The following VEGFC variants were observed in gnomAD, a reference collection of about 807,000 sequenced individuals.
VEGFC encodes the protein FLT4 ligand DHM.
VEGFC carries 12 observed loss-of-function variants against 46.1 expected under a neutral mutation model. That is an observed-to-expected ratio of 0.26 (90% CI 0.17 to 0.42). VEGFC has a LOEUF of 0.42. VEGFC is among the 10% of genes least tolerant of loss of function. The probability of loss-of-function intolerance (pLI) is 1.00; values close to 1 mark genes in which losing one functional copy is unlikely to be tolerated. For missense variants in VEGFC, 488 were observed against 529.4 expected (o/e 0.92, Z 0.77); for synonymous variants, 232 against 195.5 (o/e 1.19, Z -1.56).
chr4:176,776,332 A>C (rs2110935875), intron 1 of VEGFC, among the ~76,000 whole-genome samples: 1 of 152,352 alleles, frequency 6.6e-6, no homozygotes, highest in Non-Finnish European at 1.5e-5. Context: ...CTTATGAGCA[A>C]GAACTATTCG....
At chr4:176,779,513 G>A (rs955166350) in intron 1 of VEGFC, among the ~76,000 whole-genome samples, 2 of 152,058 alleles carry the variant, frequency 1.3e-5, no homozygotes, top group Non-Finnish European at 2.9e-5. Flanking sequence ...TGCATAACAC[G>A]TGTCTAAAAT....
In VEGFC at chr4:176,762,372, C is replaced by T. The variant is rs555412619; in HGVS notation, c.147+29793G>A. 1.2e-4 allele frequency among the ~76,000 whole-genome samples: 18 copies of T among 152,174 alleles called. No homozygotes were observed. In the South Asian group the frequency reaches 3.1e-3, roughly 26 times the overall value. On this transcript the variant is annotated intron_variant, in intron 1 of 6. Transcript: ENST00000618562. ...GGTTCTATCTCTTTGCTCTTCTGTCCGTCTGCCATGTGAGGAGCAACATTC... is the reference window on the plus strand; with the variant it reads ...GGTTCTATCTCTTTGCTCTTCTGTCTGTCTGCCATGTGAGGAGCAACATTC...
intron 1 of VEGFC, among the ~76,000 whole-genome samples, chr4:176,753,255 T>C (rs1735369700): frequency 6.6e-6 from 1 of 152,064 alleles, no homozygotes; most frequent in Non-Finnish European, 1.5e-5. Flanking sequence ...AGGAATGATG[T>C]AGAGTCCACA....
At chr4:176,725,595 A>G (rs1443464908) in intron 3 of VEGFC, among the ~76,000 whole-genome samples, 1 of 152,218 alleles carries the variant, frequency 6.6e-6, no homozygotes, top group African/African-American at 2.4e-5. Context: ...ACAGTATCCA[A>G]AGTACCTTGG....
chr4:176,791,939 C>A (rs920547032), intron 1 of VEGFC, among the ~76,000 whole-genome samples: 1 of 152,202 alleles, frequency 6.6e-6, no homozygotes, highest in Non-Finnish European at 1.5e-5. Context: ...CACTGGGCAC[C>A]TCTCCGGGCC....
chr4:176,721,612 T>C (rs1430440719), intron 3 of VEGFC, among the ~76,000 whole-genome samples: 2 of 152,158 alleles, frequency 1.3e-5, no homozygotes, highest in Admixed American at 6.5e-5. Flanking sequence ...GCAAGGTAGA[T>C]TGAATAGCAA....
At chr4:176,756,474 C>T (rs1008824863) in intron 1 of VEGFC, among the ~76,000 whole-genome samples, 1 of 151,838 alleles carries the variant, frequency 6.6e-6, no homozygotes, top group Admixed American at 6.6e-5. Context: ...GTAGCTGGGA[C>T]CTCCACAAAA....
intron 4 of VEGFC, among the ~76,000 whole-genome samples, chr4:176,691,818 G>C (rs1268023104): frequency 6.6e-6 from 1 of 152,182 alleles, no homozygotes; most frequent in Non-Finnish European, 1.5e-5. Context: ...AATAGGAACA[G>C]CTCCGGTCTA....
chr4:176,740,122 A>G (rs2111030291), intron 1 of VEGFC, among the ~76,000 whole-genome samples: 1 of 127,320 alleles, frequency 7.9e-6, no homozygotes, highest in African/African-American at 2.9e-5. Context: ...TATATATTCT[A>G]TATATAGAAT....
rs752936139 is a variant in VEGFC at position 176,684,000 on chromosome 4, C to G, written c.1186G>C (p.Glu396Gln). 1.2e-6 allele frequency: 2 copies of G among 1,614,082 alleles called. No individual in the cohort carries two copies. The highest frequency in any genetic ancestry group is 1.7e-6 in the Non-Finnish European group (2 of 1,180,032). ...RPCTNRQKAC[E>Q]PGFSYSEEVC... ...TCTTCACTATATGAAAATCCTGGCT[C>G]ACAAGCCTTCTGGCGGTTCGTACAT... The change falls in exon 7 of 7, where the codon GAG (glutamate) becomes CAG (glutamine). Residue 396 changes from glutamate to glutamine, a missense_variant. Physicochemically the swap from Glu to Gln is conservative, Grantham distance 29. Coordinates refer to ENST00000618562, the MANE Select transcript of VEGFC (RefSeq NM_005429.5).
At chr4:176,692,800 C>T (rs1054963734) in intron 4 of VEGFC, among the ~76,000 whole-genome samples, 1 of 146,758 alleles carries the variant, frequency 6.8e-6, no homozygotes, top group Non-Finnish European at 1.5e-5. Context: ...AGACTGCTTC[C>T]TCAAGTGGGT....
intron 1 of VEGFC, among the ~76,000 whole-genome samples, chr4:176,786,907 A>G (rs1736010151): frequency 6.6e-6 from 1 of 152,172 alleles, no homozygotes; most frequent in Non-Finnish European, 1.5e-5. Flanking sequence ...GGCCTGTGGA[A>G]CAGGGCTACA....
At chr4:176,712,296 A>G (rs987607186) in intron 3 of VEGFC, among the ~76,000 whole-genome samples, 1 of 152,320 alleles carries the variant, frequency 6.6e-6, no homozygotes, top group East Asian at 1.9e-4. Context: ...TATGAAAATA[A>G]TGAGCTTAAA....
intron 3 of VEGFC, among the ~76,000 whole-genome samples, chr4:176,720,856 A>C (rs1333858868): frequency 6.6e-6 from 1 of 151,986 alleles, no homozygotes; most frequent in East Asian, 1.9e-4. Flanking sequence ...AAAAAAAAAA[A>C]AAAAAAAACC....
chr4:176,729,731 C>A lies in VEGFC; in HGVS notation c.163G>T (p.Asp55Tyr). The change falls in exon 2 of 7, where the codon GAT becomes TAT. Residue 55 changes from aspartate to tyrosine, a missense_variant. Physicochemically the swap from Asp to Tyr is radical, Grantham distance 160. Transcript: ENST00000618562. Reference protein sequence around the residue: ...AGEATAYASKDLEEQLRSVSS... With the variant: ...AGEATAYASKYLEEQLRSVSS... ...ACAGACCGTAACTGCTCCTCCAGATCTTTGCTTGCATAAGCCTGTCAAAGA... is the reference window on the plus strand; with the variant it reads ...ACAGACCGTAACTGCTCCTCCAGATATTTGCTTGCATAAGCCTGTCAAAGA... 1.3e-6 allele frequency: 2 copies of A among 1,595,196 alleles called. No individual in the cohort carries two copies. Among genetic ancestry groups the A allele is most frequent in the Non-Finnish European group, 1.7e-6 (2 of 1,171,026 alleles).
intron 1 of VEGFC, among the ~76,000 whole-genome samples, chr4:176,791,525 AG>A (rs1433035709): frequency 1.6e-5 from 1 of 62,920 alleles, no homozygotes; most frequent in African/African-American, 2.6e-5. Context: ...TCTCATGACC[AG>A]ATTTTAGGAA....
intron 1 of VEGFC, among the ~76,000 whole-genome samples, chr4:176,770,593 T>TA (rs1735704672): frequency 6.6e-6 from 1 of 152,016 alleles, no homozygotes; most frequent in Non-Finnish European, 1.5e-5. Flanking sequence ...ACTTTCCAGA[T>TA]AGAGAATAAA....
intron 4 of VEGFC, among the ~76,000 whole-genome samples, chr4:176,703,635 A>G (rs1333015063): frequency 6.6e-6 from 1 of 152,162 alleles, no homozygotes; most frequent in Non-Finnish European, 1.5e-5. Flanking sequence ...TAAAATGTTT[A>G]CAACACAAAG....
intron 1 of VEGFC, among the ~76,000 whole-genome samples, chr4:176,757,170 C>T (rs1443050508): frequency 6.6e-6 from 1 of 151,852 alleles, no homozygotes; most frequent in Admixed American, 6.6e-5. Context: ...ATTAATTATT[C>T]CTTATTCATA....
Sources: gnomAD v4.1 joint callset for allele counts (sites outside exome capture counted in the v4.1 genomes callset) on GRCh38, gnomAD v4.1.1 for gene constraint, MANE v1.5 for transcripts, NCBI Gene and HGNC (gene_info 2026-07-23, HGNC 2026-07-21) for gene names.